Variants in EPHB2 observed in about 807,000 individuals in gnomAD.
EPHB2 encodes the protein EPH receptor B2.
EPHB2 carries 18 observed loss-of-function variants against 96.4 expected under a neutral mutation model. That is an observed-to-expected ratio of 0.19 (90% CI 0.13 to 0.28). The LOEUF (loss-of-function observed/expected upper bound fraction) is 0.28. Ranked by LOEUF, EPHB2 falls within the 10% of genes least tolerant of loss-of-function variation. The pLI is 1.00. For synonymous variants in EPHB2, 506 were observed against 534.1 expected (o/e 0.95, Z 0.72); for missense variants, 989 against 1,355.4 (o/e 0.73, Z 4.25).
intron 3 of EPHB2, among the ~76,000 whole-genome samples, chr1:22,826,848 G>A (rs1376170362): frequency 6.6e-6 from 1 of 152,216 alleles, no homozygotes; most frequent in East Asian, 1.9e-4. Flanking sequence ...AGCTCTTCCA[G>A]CAATGCTGGA....
At chr1:22,730,629 G>C (rs116343119) in intron 1 of EPHB2, among the ~76,000 whole-genome samples, 2,146 of 151,894 alleles carry the variant, frequency 0.014, 61 homozygotes, top group African/African-American at 0.049. Context: ...AAGAGAGGGG[G>C]TTCAGGGATA....
intron 1 of EPHB2, among the ~76,000 whole-genome samples, chr1:22,746,773 T>C (rs1297492218): frequency 6.6e-6 from 1 of 152,160 alleles, no homozygotes; most frequent in Non-Finnish European, 1.5e-5. Flanking sequence ...GTGTGTTTTC[T>C]TCATGACCTT....
chr1:22,728,269 G>A (rs1468881748), intron 1 of EPHB2, among the ~76,000 whole-genome samples: 1 of 152,166 alleles, frequency 6.6e-6, no homozygotes, highest in East Asian at 1.9e-4. Context: ...ATGATTTACG[G>A]GTTCCTCACA....
At chr1:22,880,341 G>T (rs1325111924) in intron 5 of EPHB2, among the ~76,000 whole-genome samples, 1 of 152,210 alleles carries the variant, frequency 6.6e-6, no homozygotes, top group Non-Finnish European at 1.5e-5. Flanking sequence ...TATGGTCAGA[G>T]CCCCTGCAGA....
intron 1 of EPHB2, among the ~76,000 whole-genome samples, chr1:22,763,605 G>T (rs1016501655): frequency 6.6e-6 from 1 of 152,158 alleles, no homozygotes; most frequent in Admixed American, 6.5e-5. Flanking sequence ...AGTGTGTGGG[G>T]TTCATGGATC....
chr1:22,873,839 C>G (rs981393428), intron 5 of EPHB2, among the ~76,000 whole-genome samples: 1 of 152,222 alleles, frequency 6.6e-6, no homozygotes, highest in African/African-American at 2.4e-5. Context: ...ACACATGCTT[C>G]AGTTTATATT....
intron 3 of EPHB2, among the ~76,000 whole-genome samples, chr1:22,827,459 G>A (rs759055112): frequency 6.6e-5 from 10 of 152,216 alleles, no homozygotes; most frequent in Admixed American, 4.6e-4. Flanking sequence ...CTGGCCTTTA[G>A]CATGGTAGTG....
In EPHB2 at chr1:22,810,127, C is replaced by T. The variant is rs190056493; in HGVS notation, c.811+25051C>T. Among the ~76,000 whole-genome samples the T allele has an allele frequency of 1.8e-4, 28 of 152,170 alleles. No individual in the cohort carries two copies. The East Asian group carries it at 5.4e-3, about 29-fold the overall frequency. ...AGCCTGATGGGGTGTTTGGTAAGATCGGTGGGGTTGGGGGACTTAGAGGGT... is the reference window on the plus strand; with the variant it reads ...AGCCTGATGGGGTGTTTGGTAAGATTGGTGGGGTTGGGGGACTTAGAGGGT... On this transcript the variant is annotated intron_variant, in intron 3 of 15. Transcript: ENST00000374630.
chr1:22,905,960 A>G (rs116087938), intron 9 of EPHB2, 27 bp from the exon 10 acceptor site: 46 of 1,614,142 alleles, frequency 2.8e-5, no homozygotes, highest in Admixed American at 6.7e-5. Flanking sequence ...GTCAGTCCAT[A>G]TGACAGAGCC....
intron 3 of EPHB2, among the ~76,000 whole-genome samples, chr1:22,812,361 G>A (rs1028324827): frequency 6.6e-6 from 1 of 152,256 alleles, no homozygotes; most frequent in Non-Finnish European, 1.5e-5. Flanking sequence ...GGAGTGGGCA[G>A]CAATGATGTC....
intron 6 of EPHB2, among the ~76,000 whole-genome samples, chr1:22,889,161 A>G (rs946284458): frequency 1.3e-5 from 2 of 152,162 alleles, no homozygotes; most frequent in South Asian, 2.1e-4. Context: ...TCTCAAAAAT[A>G]TAGTCAGACA....
At chr1:22,841,310 G>A (rs1232502107) in intron 3 of EPHB2, among the ~76,000 whole-genome samples, 4 of 152,174 alleles carry the variant, frequency 2.6e-5, no homozygotes, top group Non-Finnish European at 2.9e-5. Context: ...ATTCCTGTGT[G>A]TCACTACCCA....
chr1:22,913,343 CACTCCCCAGT>C lies in EPHB2; in HGVS notation c.2853-113_2853-104del. The C allele has an allele frequency of 3.7e-6, 5 of 1,347,682 alleles. No homozygotes were observed. The highest frequency in any genetic ancestry group is 5.2e-6 in the Non-Finnish European group (5 of 964,560). The allele number at this position is 1,347,682 out of a possible 1,614,324, so 83.5% of individuals were successfully genotyped here. On this transcript the variant is annotated intron_variant, in intron 15 of 15. Coordinates refer to ENST00000374630, the MANE Select transcript of EPHB2 (RefSeq NM_017449.5). This position sits in a 1 kb window ranked among gnomAD's most constrained non-coding sequence, Gnocchi z 4.1. ...GGCTGCCTGCCCACTCCCCACTCCC[CACTCCCCAGT>C]ACTCCTTGCTTTGCCATCTTCCTCC...
intron 1 of EPHB2, among the ~76,000 whole-genome samples, chr1:22,776,762 G>C (rs777779058): frequency 2.0e-5 from 3 of 152,248 alleles, no homozygotes; most frequent in South Asian, 4.1e-4. Flanking sequence ...TAATTGTACA[G>C]GTTGTAGTTG....
At chr1:22,886,152 C>G (rs115339084) in intron 6 of EPHB2, among the ~76,000 whole-genome samples, 3,330 of 152,270 alleles carry the variant, frequency 0.022, 119 homozygotes, top group African/African-American at 0.076. Flanking sequence ...TGAGGGAAAG[C>G]CTTCATTCAG....
At chr1:22,713,042 C>A (rs1428982584) in intron 1 of EPHB2, among the ~76,000 whole-genome samples, 1 of 152,094 alleles carries the variant, frequency 6.6e-6, no homozygotes, top group Admixed American at 6.6e-5. Flanking sequence ...CTGTGGCCAG[C>A]CTGGACCCTG....
intron 3 of EPHB2, among the ~76,000 whole-genome samples, chr1:22,801,353 G>C (rs1027938195): frequency 2.0e-5 from 3 of 152,126 alleles, no homozygotes; most frequent in Admixed American, 6.5e-5. Context: ...TGGGCCCTCT[G>C]CTCCAAGCAT....
intron 3 of EPHB2, among the ~76,000 whole-genome samples, chr1:22,803,547 C>T (rs998789529): frequency 5.3e-5 from 8 of 150,548 alleles, no homozygotes; most frequent in East Asian, 2.0e-4. Context: ...TCCAAGCTGC[C>T]GTGAGCCATG....
Position 22,906,790 on chromosome 1 carries a change from T to G in EPHB2, c.1969T>G (p.Ser657Ala). ...EIFVAIKTLK[S>A]GYTEKQRRDF... ...CTTTGTGGCCATCAAGACGCTCAAG[T>G]CGGGCTACACGGAGAAGCAGCGCCG... Residue 657 changes from serine (S) to alanine (A), a missense_variant, in exon 11 of 16, where the codon TCG (serine) becomes GCG (alanine). Transcript: ENST00000374630. The surrounding 1 kb of genome is among the most constrained non-coding windows in gnomAD (Gnocchi z 4.8). 1 of 1,614,108 alleles carries G rather than the reference T, an allele frequency of 6.2e-7. No homozygotes were observed. Among genetic ancestry groups the G allele is most frequent in the Non-Finnish European group, 8.5e-7 (1 of 1,180,024 alleles).
Sources: gnomAD v4.1 joint callset for allele counts (sites outside exome capture counted in the v4.1 genomes callset) on GRCh38, gnomAD v4.1.1 for gene constraint, Gnocchi (gnomAD v3.1) non-coding constraint, MANE v1.5 for transcripts, NCBI Gene and HGNC (gene_info 2026-07-23, HGNC 2026-07-21) for gene names.